The following EYS variants were observed in gnomAD, a reference collection of about 807,000 sequenced individuals.
The protein encoded by EYS is EGF-like photoreceptor maintenance factor.
EYS carries 250 observed loss-of-function variants against 282.1 expected under a neutral mutation model. The observed-to-expected ratio is 0.89, with a 90% CI of 0.80 to 0.98. EYS has a LOEUF of 0.98. EYS is among the 50% of genes least tolerant of loss of function. EYS has a pLI of 0.00. For missense variants in EYS, 4,016 were observed against 3,709.0 expected (o/e 1.08, Z -2.15); for synonymous variants, 1,355 against 1,282.9 (o/e 1.06, Z -1.20).
intron 12 of EYS, among the ~76,000 whole-genome samples, chr6:65,062,732 A>G: frequency 6.6e-6 from 1 of 151,936 alleles, no homozygotes; most frequent in Non-Finnish European, 1.5e-5. Flanking sequence ...TATCACTGGA[A>G]AGTCTTCTCT....
rs1469027980 is a variant in EYS at position 63,793,394 on chromosome 6, G to A, written c.7412-4170C>T. The stretch of plus-strand genomic sequence containing the variant: ...AACTTAGATTTGTGTAGTGTTTCTG[G>A]TGTTCTGTTAAGAAGGAAGTACATA... On this transcript the variant is annotated intron_variant, in intron 37 of 42. Coordinates refer to ENST00000503581, the MANE Select transcript of EYS (RefSeq NM_001142800.2). Among the ~76,000 whole-genome samples, 5 of 152,204 alleles carry A rather than the reference G, an allele frequency of 3.3e-5. No individual in the cohort carries two copies. The East Asian group carries it at 9.6e-4, about 29-fold the overall frequency.
intron 16 of EYS, among the ~76,000 whole-genome samples, chr6:64,905,892 T>C (rs368787608): frequency 6.6e-6 from 1 of 152,036 alleles, no homozygotes; most frequent in African/African-American, 2.4e-5. Flanking sequence ...GTGTATACCA[T>C]AGCATGAATT....
chr6:64,859,193 A>C (rs1766159423), intron 19 of EYS, among the ~76,000 whole-genome samples: 1 of 148,900 alleles, frequency 6.7e-6, no homozygotes, highest in African/African-American at 2.4e-5. Flanking sequence ...ATAACTACCC[A>C]AAATAATATT....
chr6:64,895,862 T>C (rs1431707234), intron 18 of EYS, among the ~76,000 whole-genome samples: 1 of 152,078 alleles, frequency 6.6e-6, no homozygotes, highest in Non-Finnish European at 1.5e-5. Flanking sequence ...GAACATAATC[T>C]TAATTATTTT....
At chr6:64,580,683 A>G (rs970551860) in intron 26 of EYS, among the ~76,000 whole-genome samples, 3 of 152,180 alleles carry the variant, frequency 2.0e-5, no homozygotes, top group African/African-American at 7.2e-5. Flanking sequence ...AAAGAAAATA[A>G]TATGTTTATG....
intron 15 of EYS, among the ~76,000 whole-genome samples, chr6:64,919,518 T>A (rs1768272993): frequency 6.6e-6 from 1 of 151,502 alleles, no homozygotes; most frequent in Admixed American, 6.6e-5. Flanking sequence ...ATTTCTTCTA[T>A]TTAGGCCATC....
At chr6:64,188,102 CTTATT>C (rs1304679306) in intron 31 of EYS, among the ~76,000 whole-genome samples, 3 of 151,970 alleles carry the variant, frequency 2.0e-5, no homozygotes, top group Non-Finnish European at 4.4e-5. Flanking sequence ...TTTGTTTTCT[CTTATT>C]TTACTTATTT....
chr6:64,365,679 G>A (rs1231472410), intron 29 of EYS, among the ~76,000 whole-genome samples: 1 of 151,936 alleles, frequency 6.6e-6, no homozygotes, highest in East Asian at 1.9e-4. Flanking sequence ...ATAACTTTTT[G>A]CATACATATA....
At chr6:63,793,497 T>C in intron 37 of EYS, among the ~76,000 whole-genome samples, 1 of 152,244 alleles carries the variant, frequency 6.6e-6, no homozygotes, top group East Asian at 1.9e-4. Flanking sequence ...TCTATTTGCC[T>C]TTTAAAGTGG....
At chr6:63,838,862 C>G (rs977820117) in intron 36 of EYS, among the ~76,000 whole-genome samples, 1 of 152,112 alleles carries the variant, frequency 6.6e-6, no homozygotes, top group African/African-American at 2.4e-5. Context: ...CATAAGTGAT[C>G]TCATATATTT....
At chr6:63,948,440 C>A (rs1037712234) in intron 35 of EYS, among the ~76,000 whole-genome samples, 15 of 152,302 alleles carry the variant, frequency 9.8e-5, no homozygotes, top group Non-Finnish European at 1.5e-4. Context: ...CTGCTCTTTA[C>A]AATGTCAGCT....
intron 31 of EYS, among the ~76,000 whole-genome samples, chr6:64,141,416 G>C (rs531636185): frequency 8.2e-4 from 125 of 152,298 alleles, no homozygotes; most frequent in African/African-American, 2.9e-3. Flanking sequence ...AAATTAGAAA[G>C]CAGGTTGATT....
chr6:64,970,682 CA>C (rs1010485497), intron 14 of EYS, among the ~76,000 whole-genome samples: 5 of 152,116 alleles, frequency 3.3e-5, no homozygotes, highest in African/African-American at 1.2e-4. Context: ...CTGTTTAGTA[CA>C]ATACGTAAAC....
chr6:64,857,917 T>C (rs956417545), intron 19 of EYS, among the ~76,000 whole-genome samples: 2 of 152,192 alleles, frequency 1.3e-5, no homozygotes, highest in Non-Finnish European at 2.9e-5. Flanking sequence ...TTGAAAAATG[T>C]CTGATTTTAT....
chr6:64,698,179 G>A (rs1239098585), intron 22 of EYS, among the ~76,000 whole-genome samples: 1 of 151,998 alleles, frequency 6.6e-6, no homozygotes, highest in Non-Finnish European at 1.5e-5. Flanking sequence ...TTGGGATATA[G>A]CAAAAGCAGT....
At chr6:65,358,673 AC>A in intron 8 of EYS, among the ~76,000 whole-genome samples, 1 of 150,710 alleles carries the variant, frequency 6.6e-6, no homozygotes, top group East Asian at 1.9e-4. Context: ...CCATAGAAAA[AC>A]CCAACTTAAC....
chr6:64,235,492 G>T lies in EYS; in HGVS notation c.6192-4668C>A, dbSNP rs1473748852. Among the ~76,000 whole-genome samples, 272 of 152,170 alleles carry T rather than the reference G, an allele frequency of 1.8e-3. 2 individuals carry two copies. The highest frequency in any genetic ancestry group is 6.3e-3 in the African/African-American group (262 of 41,516). On this transcript the variant is annotated intron_variant, in intron 30 of 42. Coordinates refer to ENST00000503581, the MANE Select transcript of EYS (RefSeq NM_001142800.2). ...ATTTTCTTAATCCAGTCTATCATTT[G>T]TGGACATTTGGGTTGGTTCCAAGTC...
intron 36 of EYS, among the ~76,000 whole-genome samples, chr6:63,816,149 CAAAAT>C (rs902834884): frequency 2.0e-5 from 3 of 151,946 alleles, no homozygotes; most frequent in Admixed American, 6.6e-5. Flanking sequence ...GTAATACTAA[CAAAAT>C]AAAAATATCA....
At chr6:64,163,102 T>C (rs1396931835) in intron 31 of EYS, among the ~76,000 whole-genome samples, 1 of 152,078 alleles carries the variant, frequency 6.6e-6, no homozygotes, top group African/African-American at 2.4e-5. Flanking sequence ...GATTATTTAA[T>C]AGTTGGAAAG....
Sources: allele counts gnomAD v4.1 joint callset (sites outside exome capture counted in the v4.1 genomes callset), GRCh38; gene constraint gnomAD v4.1.1; transcripts MANE v1.5; gene names NCBI Gene and HGNC (gene_info 2026-07-23, HGNC 2026-07-21).